TBC1D7: variants seen among roughly 807,000 people sequenced by gnomAD.
TBC1D7 encodes TBC1 domain family member 7, also known as TBC domain family 7.
TBC1D7 carries 33 observed loss-of-function variants against 35.3 expected under a neutral mutation model. The ratio of observed to expected loss-of-function variants is 0.93; its 90% confidence interval spans 0.71 to 1.25. The LOEUF (loss-of-function observed/expected upper bound fraction) is 1.25, where lower values mean the gene tolerates loss of function less well. TBC1D7 is among the 50% of genes most tolerant of loss of function. TBC1D7 has a pLI of 0.00. For missense variants in TBC1D7, 362 were observed against 365.3 expected, an observed-to-expected ratio of 0.99 and a Z score of 0.07; for synonymous variants, 135 against 129.5, an observed-to-expected ratio of 1.04 and a Z score of -0.29.
intron 4 of TBC1D7, 141 bp from the exon 5 acceptor site, chr6:13,316,849 T>C (rs1274399627): frequency 9.7e-7 from 1 of 1,026,308 alleles, no homozygotes. Flanking sequence ...AAGCACAGAG[T>C]CCCTCCCTGA....
chr6:13,312,839 T>C (rs1349104354), intron 5 of TBC1D7, among the ~76,000 whole-genome samples: 3 of 151,166 alleles, frequency 2.0e-5, no homozygotes, highest in Non-Finnish European at 4.4e-5. Flanking sequence ...ACCTAAAATT[T>C]TGTACAACAA....
chr6:13,322,678 G>GA (rs1283320604), intron 3 of TBC1D7, among the ~76,000 whole-genome samples: 1 of 151,954 alleles, frequency 6.6e-6, no homozygotes, highest in South Asian at 2.1e-4. Flanking sequence ...GTTAATGTTA[G>GA]AAAAAAAACT....
At chr6:13,313,454 C>T (rs1783375175) in intron 5 of TBC1D7, among the ~76,000 whole-genome samples, 1 of 152,136 alleles carries the variant, frequency 6.6e-6, no homozygotes, top group Non-Finnish European at 1.5e-5. Flanking sequence ...TTTGGATGAG[C>T]AGCCAGGCAG....
intron 5 of TBC1D7, among the ~76,000 whole-genome samples, chr6:13,310,229 T>C (rs1460499029): frequency 1.3e-5 from 2 of 152,258 alleles, no homozygotes; most frequent in East Asian, 1.9e-4. Context: ...TCTATTTACC[T>C]GTAACACTGT....
chr6:13,305,506 T>C (rs527434363), intron 7 of TBC1D7: 39 of 400,950 alleles, frequency 9.7e-5, no homozygotes, highest in Non-Finnish European at 1.6e-4. Flanking sequence ...CAGTAGGACA[T>C]GAGGTAACCC....
At chr6:13,309,189 G>A (rs1214861719) in intron 5 of TBC1D7, among the ~76,000 whole-genome samples, 2 of 152,150 alleles carry the variant, frequency 1.3e-5, no homozygotes, top group Non-Finnish European at 2.9e-5. Context: ...GGGGATATAT[G>A]CACTTTTTTC....
intron 4 of TBC1D7, chr6:13,319,002 A>G (rs1400595824): frequency 6.8e-6 from 1 of 146,788 alleles, no homozygotes; most frequent in East Asian, 2.1e-4. Flanking sequence ...CCAAGTGATC[A>G]AAGTTAGCAG....
Position 13,305,123 on chromosome 6 carries a change from C to A in TBC1D7, c.860G>T (p.Gly287Val). ...KAIDLWHKHC[G>V]TPVHSS ...CGTTCAGCTTGAATGGACCGGGGTC[C>A]CACAGTGTTTGTGCCACAAGTCAAT... The change falls in exon 8 of 8, where the codon GGG becomes GTG. Residue 287 changes from glycine (G) to valine (V), a missense_variant. Gly to Val is a moderately radical substitution (Grantham distance 109). Transcript: ENST00000379300. The A allele has an allele frequency of 9.3e-6, 15 of 1,613,620 alleles. No homozygotes were observed. Among genetic ancestry groups the A allele is most frequent in the Non-Finnish European group, 1.3e-5 (15 of 1,179,736 alleles).
At chr6:13,309,134 CT>C (rs1317959727) in intron 5 of TBC1D7, among the ~76,000 whole-genome samples, 7 of 152,244 alleles carry the variant, frequency 4.6e-5, no homozygotes, top group African/African-American at 1.7e-4. Flanking sequence ...CTCAATAACA[CT>C]GCAGACAACT....
chr6:13,306,324 T>G, intron 7 of TBC1D7, 74 bp downstream of exon 7: 1 of 1,389,460 alleles, frequency 7.2e-7, no homozygotes. Context: ...TGAAATAATC[T>G]AATGTAACAG....
chr6:13,323,246 G>A (rs988821995), intron 3 of TBC1D7, among the ~76,000 whole-genome samples: 5 of 152,060 alleles, frequency 3.3e-5, no homozygotes, highest in African/African-American at 9.7e-5. Flanking sequence ...CCAGCTACTC[G>A]GGAGACTGAG....
chr6:13,320,864 C>A, intron 4 of TBC1D7, 44 bp downstream of exon 4: 1 of 1,586,072 alleles, frequency 6.3e-7, no homozygotes, highest in East Asian at 2.2e-5. Flanking sequence ...CAAGATGGGA[C>A]GGTCTAGAGT....
chr6:13,310,019 T>C (rs1157311651), intron 5 of TBC1D7, among the ~76,000 whole-genome samples: 2 of 152,222 alleles, frequency 1.3e-5, no homozygotes, highest in Non-Finnish European at 2.9e-5. Context: ...AATTCAAGAC[T>C]ACTGACATAC....
chr6:13,317,654 G>A (rs1447272945), intron 4 of TBC1D7, among the ~76,000 whole-genome samples: 2 of 152,178 alleles, frequency 1.3e-5, no homozygotes, highest in Non-Finnish European at 2.9e-5. Context: ...AAATAAGTAG[G>A]AAGAAAAGGG....
At position 13,305,139 on chromosome 6, in the gene TBC1D7, A is replaced by G; in HGVS notation, c.844T>C (p.Trp282Arg). Reference protein sequence around the residue: ...DAIVSKAIDLWHKHCGTPVHS... With the variant: ...DAIVSKAIDLRHKHCGTPVHS... ...ACCGGGGTCCCACAGTGTTTGTGCC[A>G]CAAGTCAATGGCCTTGCTCACGATC... The change falls in exon 8 of 8, where the codon TGG becomes CGG. Residue 282 changes from tryptophan (W) to arginine (R), a missense_variant. By Grantham distance (101) the Trp-to-Arg change is moderately radical. Transcript: ENST00000379300. 1 of 1,614,008 alleles carries G rather than the reference A, an allele frequency of 6.2e-7. No individual in the cohort carries two copies. The highest frequency in any genetic ancestry group is 8.5e-7 in the Non-Finnish European group (1 of 1,179,944).
chr6:13,311,672 C>T (rs1051734540), intron 5 of TBC1D7, among the ~76,000 whole-genome samples: 2 of 152,096 alleles, frequency 1.3e-5, no homozygotes, highest in African/African-American at 4.8e-5. Context: ...AATGCATACA[C>T]AAAAAGAAGC....
intron 5 of TBC1D7, among the ~76,000 whole-genome samples, chr6:13,308,280 C>G (rs1012722823): frequency 6.6e-6 from 1 of 152,210 alleles, no homozygotes; most frequent in East Asian, 1.9e-4. Context: ...ACTGACCATA[C>G]ATACACTGCC....
chr6:13,316,615 C>G lies in TBC1D7; in HGVS notation c.475G>C (p.Val159Leu). 2 of 1,613,630 alleles carry G rather than the reference C, an allele frequency of 1.2e-6. No individual in the cohort carries two copies. Among genetic ancestry groups the G allele is most frequent in the Non-Finnish European group, 1.7e-6 (2 of 1,179,972 alleles). Reference protein sequence around the residue: ...VDCYWITRRFVNQLNTKYRDS... With the variant: ...VDCYWITRRFLNQLNTKYRDS... ...CGGTACTTGGTATTTAATTGGTTCA[C>G]AAAGCGTCGGGTGATCCAGTAACAG... The change falls in exon 5 of 8, where the codon GTG becomes CTG. Residue 159 changes from valine to leucine, a missense_variant. Val to Leu is a conservative substitution (Grantham distance 32). Transcript: ENST00000379300.
chr6:13,310,160 A>G (rs527345797), intron 5 of TBC1D7, among the ~76,000 whole-genome samples: 2 of 152,314 alleles, frequency 1.3e-5, no homozygotes, highest in East Asian at 3.9e-4. Flanking sequence ...CAGCCAATCT[A>G]TTTTCAGGGA....
Sources: allele counts gnomAD v4.1 joint callset (sites outside exome capture counted in the v4.1 genomes callset), GRCh38; gene constraint gnomAD v4.1.1; transcripts MANE v1.5; gene names NCBI Gene and HGNC (gene_info 2026-07-23, HGNC 2026-07-21).